PANK3: variants seen among roughly 807,000 people sequenced by gnomAD.
The protein encoded by PANK3 is hPanK3.
Under a neutral mutation model 39.4 loss-of-function variants are expected in PANK3, and 20 were observed. That is an observed-to-expected ratio of 0.51 (90% CI 0.36 to 0.74). The LOEUF (loss-of-function observed/expected upper bound fraction) is 0.74, where lower values mean the gene tolerates loss of function less well. Ranked by LOEUF, PANK3 falls within the 30% of genes least tolerant of loss-of-function variation. PANK3 has a pLI of 0.00. For missense variants in PANK3, 265 were observed against 437.0 expected, an observed-to-expected ratio of 0.61 and a Z score of 3.51; for synonymous variants, 140 against 157.3, an observed-to-expected ratio of 0.89 and a Z score of 0.82.
rs771045313 is a variant in PANK3, at chr5:168,568,700, C to G, written c.327G>C (p.Thr109=). 1 of 1,614,020 alleles carries G rather than the reference C, an allele frequency of 6.2e-7. No homozygotes were observed. The highest frequency in any genetic ancestry group is 1.3e-5 in the African/African-American group (1 of 74,998). Residue 109 remains threonine (T), a synonymous_variant, in exon 2 of 7, where the codon ACG becomes ACC. Transcript: ENST00000239231. ...GRDKNFSTLQ[T]VLCATGGGAY... ...CACCACCTCCTGTAGCACATAGCAC[C>G]GTCTGCAATGTTGAGAAGTTTTTAT...
chr5:168,576,798 AC>A (rs1483995787), intron 1 of PANK3, among the ~76,000 whole-genome samples: 4 of 142,076 alleles, frequency 2.8e-5, no homozygotes, highest in South Asian at 2.3e-4. Flanking sequence ...GCCAAAAAAA[AC>A]CCCATACAGG....
intron 5 of PANK3, 119 bp downstream of exon 5, chr5:168,561,274 T>C (rs1422297922): frequency 1.2e-6 from 1 of 801,446 alleles, no homozygotes; most frequent in Non-Finnish European, 1.9e-6. Flanking sequence ...TGGCATTTAA[T>C]GGGTTACATC....
chr5:168,560,888 A>G (rs1450341570), intron 5 of PANK3: 1 of 477,392 alleles, frequency 2.1e-6, no homozygotes, highest in Non-Finnish European at 4.5e-6. Flanking sequence ...ATCATGAAGA[A>G]CAGGTCTCAA....
chr5:168,562,172 G>C (rs2113112169), intron 4 of PANK3, among the ~76,000 whole-genome samples: 1 of 152,192 alleles, frequency 6.6e-6, no homozygotes, highest in South Asian at 2.1e-4. Context: ...ACAAAAGACA[G>C]CAAGAGAAGC....
Position 168,559,230 on chromosome 5 carries a change from A to G in PANK3, c.937-73T>C, listed in dbSNP as rs552563619. The G allele has an allele frequency of 3.3e-4, 343 of 1,033,164 alleles. 1 individual carries two copies. The highest frequency in any genetic ancestry group is 4.2e-4 in the Non-Finnish European group (313 of 751,602). 64.0% of individuals were successfully genotyped at this position (1,033,164 alleles called of 1,614,324 possible). A position where few individuals can be genotyped will look rare whatever the true frequency, so the allele number is the denominator to read the frequency against. On this transcript the variant is annotated intron_variant, in intron 5 of 6. Transcript: ENST00000239231. ...CAATATAAAAGGTTTCTAAATATTT[A>G]TTTAAAATTTATTTTAAAATGCAAA...
chr5:168,561,250 T>TA, intron 5 of PANK3, 143 bp downstream of exon 5: 1 of 607,352 alleles, frequency 1.6e-6, no homozygotes. Flanking sequence ...GTAACATATA[T>TA]ACCTAATGAG....
Position 168,551,568 on chromosome 5 carries a change from G to A in PANK3, c.*6003C>T, listed in dbSNP as rs550344516. The A allele has an allele frequency of 6.6e-6, 1 of 152,172 alleles. No individual in the cohort carries two copies. The highest frequency in any genetic ancestry group is 1.9e-4 in the East Asian group (1 of 5,174). The allele number at this position is 152,172 out of a possible 1,614,324, so 9.4% of individuals were successfully genotyped here. Reference sequence around the variant, plus strand: ...TACAGAGTGGTTATAAAGAACATATGGAAATTACTATCCAGTTAAGCTTTC... The same window carrying A: ...TACAGAGTGGTTATAAAGAACATATAGAAATTACTATCCAGTTAAGCTTTC... On this transcript the variant is annotated 3_prime_UTR_variant, in exon 7 of 7. Transcript: ENST00000239231.
intron 1 of PANK3, among the ~76,000 whole-genome samples, chr5:168,574,368 T>C (rs1482243586): frequency 6.6e-6 from 1 of 152,190 alleles, no homozygotes; most frequent in Non-Finnish European, 1.5e-5. Context: ...TGGGGTTGTT[T>C]GTTTTTTTAG....
At chr5:168,559,179 A>G in intron 5 of PANK3, 22 bp from the exon 6 acceptor site, 1 of 1,390,116 alleles carries the variant, frequency 7.2e-7, no homozygotes, top group Non-Finnish European at 9.8e-7. Context: ...GAACAAAGAA[A>G]AAACTTGTAA....
chr5:168,576,050 C>T (rs1228162657), intron 1 of PANK3, among the ~76,000 whole-genome samples: 1 of 152,086 alleles, frequency 6.6e-6, no homozygotes, highest in East Asian at 1.9e-4. Flanking sequence ...AGAAAATAAT[C>T]ATCTTCAGAC....
At chr5:168,571,221 A>G (rs1759625156) in intron 1 of PANK3, among the ~76,000 whole-genome samples, 1 of 152,168 alleles carries the variant, frequency 6.6e-6, no homozygotes, top group South Asian at 2.1e-4. Context: ...GTATTTTCCA[A>G]TTGTTCCCAA....
At chr5:168,578,527 AG>A (rs1163326633) in intron 1 of PANK3, 2 of 152,250 alleles carry the variant, frequency 1.3e-5, no homozygotes, top group Non-Finnish European at 2.9e-5. Context: ...CTGGAATAAA[AG>A]GTTTTTAAAA....
In PANK3 at chr5:168,557,550, CAGAG is replaced by C. The variant is rs753838223; in HGVS notation, c.*17_*20del. On this transcript the variant is annotated 3_prime_UTR_variant, in exon 7 of 7. Transcript: ENST00000239231. Reference sequence around the variant, plus strand: ...GTTCCTCTTGGATGACATTTATTAGCAGAGAGAGAGACCTGATGCTTTAGCTGAA... The same window carrying C: ...GTTCCTCTTGGATGACATTTATTAGCAGAGAGACCTGATGCTTTAGCTGAA... 6 of 1,606,842 alleles carry C rather than the reference CAGAG, an allele frequency of 3.7e-6. No individual in the cohort carries two copies. The highest frequency in any genetic ancestry group is 3.4e-5 in the Admixed American group (2 of 59,646).
chr5:168,574,401 A>G (rs1348343432), intron 1 of PANK3, among the ~76,000 whole-genome samples: 1 of 152,178 alleles, frequency 6.6e-6, no homozygotes, highest in East Asian at 1.9e-4. Flanking sequence ...TTACCAACAT[A>G]TATTTTCCAG....
intron 1 of PANK3, among the ~76,000 whole-genome samples, chr5:168,572,319 G>C (rs1759651680): frequency 6.6e-6 from 1 of 151,922 alleles, no homozygotes; most frequent in African/African-American, 2.4e-5. Flanking sequence ...TCACCATGTT[G>C]ACTAGGATGG....
Position 168,553,501 on chromosome 5 carries a change from G to A in PANK3, c.*4070C>T. On this transcript the variant is annotated 3_prime_UTR_variant, in exon 7 of 7. Transcript: ENST00000239231. Reference sequence around the variant, plus strand: ...GAAAGGAGCCAATCATATCACCATTGGGGAAGATGGCCACAGACAAGGGCC... The same window carrying A: ...GAAAGGAGCCAATCATATCACCATTAGGGAAGATGGCCACAGACAAGGGCC... 1 of 354,830 alleles carries A rather than the reference G, an allele frequency of 2.8e-6. No homozygotes were observed. The highest frequency in any genetic ancestry group is 5.6e-6 in the Non-Finnish European group (1 of 179,320). 22.0% of individuals were successfully genotyped at this position (354,830 alleles called of 1,614,324 possible).
chr5:168,552,828 C>T lies in PANK3; in HGVS notation c.*4743G>A, dbSNP rs1000664102. On this transcript the variant is annotated 3_prime_UTR_variant, in exon 7 of 7. Transcript: ENST00000239231. ...CCTGCACTAATCTATAGATTGGCTT[C>T]TCAACACCTGCATCCTTGAAGATTC... 7.0e-5 allele frequency: 13 copies of T among 186,534 alleles called. No individual in the cohort carries two copies. Among genetic ancestry groups the T allele is most frequent in the African/African-American group, 2.9e-4 (12 of 41,990 alleles). 11.6% of individuals were successfully genotyped at this position (186,534 alleles called of 1,614,324 possible).
chr5:168,577,930 T>TTA (rs1443306993), intron 1 of PANK3, among the ~76,000 whole-genome samples: 2 of 152,216 alleles, frequency 1.3e-5, no homozygotes, highest in East Asian at 3.8e-4. Context: ...CAAATGAAAA[T>TTA]TTAAAGTCTC....
intron 1 of PANK3, among the ~76,000 whole-genome samples, chr5:168,569,506 T>A (rs1759593380): frequency 6.6e-6 from 1 of 152,002 alleles, no homozygotes; most frequent in African/African-American, 2.4e-5. Flanking sequence ...AAAGTTTTAT[T>A]AATATATTTT....
Sources: gnomAD v4.1 joint callset for allele counts (sites outside exome capture counted in the v4.1 genomes callset) on GRCh38, gnomAD v4.1.1 for gene constraint, MANE v1.5 for transcripts, NCBI Gene and HGNC (gene_info 2026-07-23, HGNC 2026-07-21) for gene names.